Variants in RFX3 observed in about 807,000 individuals in gnomAD.
RFX3 encodes the protein transcription factor RFX3.
A neutral mutation model predicts 98.6 loss-of-function variants in RFX3; 14 were observed. The ratio of observed to expected loss-of-function variants is 0.14; its 90% CI spans 0.09 to 0.22. RFX3 has a LOEUF of 0.22. Ranked by LOEUF, RFX3 falls within the 10% of genes least tolerant of loss-of-function variation. RFX3 has a pLI of 1.00. For synonymous variants in RFX3, 383 were observed against 328.4 expected, an observed-to-expected ratio of 1.17 and a Z score of -1.80; for missense variants, 639 against 926.9, an observed-to-expected ratio of 0.69 and a Z score of 4.03.
At chr9:3,333,623 T>G (rs977887794) in intron 3 of RFX3, among the ~76,000 whole-genome samples, 4 of 152,160 alleles carry the variant, frequency 2.6e-5, no homozygotes, top group African/African-American at 9.7e-5. Flanking sequence ...TTTTAATTTT[T>G]GTCTACCGAA....
At chr9:3,437,269 C>G (rs1845214715) in intron 1 of RFX3, among the ~76,000 whole-genome samples, 1 of 152,034 alleles carries the variant, frequency 6.6e-6, no homozygotes, top group African/African-American at 2.4e-5. Flanking sequence ...CTCCACTGTA[C>G]TCAAGAGACA....
chr9:3,486,205 G>T (rs548081204), intron 1 of RFX3, among the ~76,000 whole-genome samples: 1 of 135,358 alleles, frequency 7.4e-6, no homozygotes, highest in Non-Finnish European at 1.6e-5. Flanking sequence ...GGTCTTAAAA[G>T]ATTTTTGTGG....
chr9:3,433,275 C>T (rs1183125339), intron 1 of RFX3, among the ~76,000 whole-genome samples: 1 of 152,106 alleles, frequency 6.6e-6, no homozygotes, highest in African/African-American at 2.4e-5. Flanking sequence ...CTTCCACTTC[C>T]CCAAGACAGC....
Position 3,253,701 on chromosome 9 carries a change from T to C in RFX3, c.1814+3290A>G, listed in dbSNP as rs184901051. On this transcript the variant is annotated intron_variant, in intron 14 of 16. Coordinates refer to ENST00000617270, the MANE Select transcript of RFX3 (RefSeq NM_001282116.2). ...AAGTTCATTTCTATATTTCCATGCATGTAAATATATACAAAAAATTTTAGA... is the reference window on the plus strand; with the variant it reads ...AAGTTCATTTCTATATTTCCATGCACGTAAATATATACAAAAAATTTTAGA... 2.8e-3 allele frequency among the ~76,000 whole-genome samples: 429 copies of C among 152,288 alleles called. 3 individuals carry two copies. Among genetic ancestry groups the C allele is most frequent in the African/African-American group, 9.2e-3 (381 of 41,568 alleles).
intron 12 of RFX3, among the ~76,000 whole-genome samples, chr9:3,264,644 T>C (rs1490518572): frequency 6.6e-6 from 1 of 152,230 alleles, no homozygotes; most frequent in Non-Finnish European, 1.5e-5. Flanking sequence ...AGTAGCTTGC[T>C]CAAGGCTGCA....
rs190267286 is a variant in RFX3 at position 3,276,118 on chromosome 9, C to T, written c.974-506G>A. On this transcript the variant is annotated intron_variant, in intron 8 of 16. Coordinates refer to ENST00000617270, the MANE Select transcript of RFX3 (RefSeq NM_001282116.2). ...TTGATGTGATGGATGATGCTCTTGT[C>T]CTGTAACTAAGTTATCTCTTGCAAC... Among the ~76,000 whole-genome samples the T allele has an allele frequency of 3.5e-3, 527 of 152,194 alleles. 3 individuals are homozygous for T. The highest frequency in any genetic ancestry group is 5.4e-3 in the Non-Finnish European group (368 of 67,988).
intron 1 of RFX3, among the ~76,000 whole-genome samples, chr9:3,424,683 A>T (rs1229268212): frequency 6.6e-6 from 1 of 152,052 alleles, no homozygotes; most frequent in African/African-American, 2.4e-5. Context: ...CTTAATAATT[A>T]AAAAAGAAAC....
At chr9:3,345,602 G>A (rs1357714739) in intron 3 of RFX3, among the ~76,000 whole-genome samples, 2 of 152,088 alleles carry the variant, frequency 1.3e-5, no homozygotes, top group Non-Finnish European at 2.9e-5. Flanking sequence ...AACCCAATAA[G>A]AGTGAAATTA....
In RFX3 at chr9:3,465,032, C is replaced by G. The variant is rs200311781; in HGVS notation, c.-9+60715G>C. ...GCAAACAATATTGATATATAAGGACCTGTTCCTAATTAAGGTATCTATATG... is the reference window on the plus strand; with the variant it reads ...GCAAACAATATTGATATATAAGGACGTGTTCCTAATTAAGGTATCTATATG... On this transcript the variant is annotated intron_variant, in intron 1 of 16. Transcript: ENST00000617270. Among the ~76,000 whole-genome samples, 69 of 152,204 alleles carry G rather than the reference C, an allele frequency of 4.5e-4. 1 individual carries two copies. The East Asian group carries it at 9.1e-3, about 20-fold the overall frequency.
chr9:3,241,261 G>A (rs922488888), intron 15 of RFX3, among the ~76,000 whole-genome samples: 6 of 147,972 alleles, frequency 4.1e-5, no homozygotes, highest in African/African-American at 1.5e-4. Flanking sequence ...GAAATCTAAT[G>A]TATCAATCAT....
intron 1 of RFX3, among the ~76,000 whole-genome samples, chr9:3,415,668 C>T (rs1842921091): frequency 1.3e-5 from 2 of 152,126 alleles, no homozygotes; most frequent in African/African-American, 4.8e-5. Context: ...TACACAGTCT[C>T]CCTGAAATAT....
intron 12 of RFX3, 47 bp downstream of exon 12, chr9:3,266,161 G>C (rs754607373): frequency 1.7e-6 from 2 of 1,147,708 alleles, no homozygotes; most frequent in East Asian, 4.8e-5. Context: ...TCACAATTCA[G>C]AATAATTTCC....
chr9:3,335,138 A>C (rs942766233), intron 3 of RFX3, among the ~76,000 whole-genome samples: 1 of 151,698 alleles, frequency 6.6e-6, no homozygotes, highest in Non-Finnish European at 1.5e-5. Flanking sequence ...TAATAATAAA[A>C]TAATAATAAT....
At chr9:3,524,826 AGCACACACACACACACACACACACACAC>A (rs1564205250) in intron 1 of RFX3, among the ~76,000 whole-genome samples, 1 of 68,122 alleles carries the variant, frequency 1.5e-5, no homozygotes, top group Non-Finnish European at 2.9e-5. Context: ...TTAAATCACA[AGCACACACACACACACACACACACACAC>A]ACACACACAC....
intron 4 of RFX3, among the ~76,000 whole-genome samples, chr9:3,323,577 A>G (rs758535231): frequency 3.3e-5 from 5 of 152,174 alleles, no homozygotes; most frequent in Non-Finnish European, 5.9e-5. Flanking sequence ...TTACTTTAAT[A>G]TTTATAAGTA....
chr9:3,503,400 T>C (rs1302995476), intron 1 of RFX3, among the ~76,000 whole-genome samples: 3 of 151,464 alleles, frequency 2.0e-5, no homozygotes, highest in Non-Finnish European at 4.4e-5. Flanking sequence ...ATTTATGTTA[T>C]ATTTATTATA....
intron 2 of RFX3, among the ~76,000 whole-genome samples, chr9:3,351,841 ATAGT>A (rs1300778051): frequency 6.6e-6 from 1 of 152,014 alleles, no homozygotes; most frequent in Non-Finnish European, 1.5e-5. Context: ...ATGCTTACAT[ATAGT>A]TAGTAGTAAT....
intron 1 of RFX3, among the ~76,000 whole-genome samples, chr9:3,431,845 A>T (rs554653236): frequency 4.1e-4 from 62 of 152,324 alleles, no homozygotes; most frequent in South Asian, 1.2e-3. Flanking sequence ...CATATCTCTT[A>T]TGAACAGGTT....
At chr9:3,244,741 G>A (rs1820414822) in intron 15 of RFX3, among the ~76,000 whole-genome samples, 1 of 152,156 alleles carries the variant, frequency 6.6e-6, no homozygotes, top group African/African-American at 2.4e-5. Flanking sequence ...AGGGCCTCAA[G>A]CTTTAAGCAT....
Sources: allele counts gnomAD v4.1 joint callset (sites outside exome capture counted in the v4.1 genomes callset), GRCh38; gene constraint gnomAD v4.1.1; transcripts MANE v1.5; gene names NCBI Gene and HGNC (gene_info 2026-07-23, HGNC 2026-07-21).